CYP27C1: variants seen among roughly 807,000 people sequenced by gnomAD.
CYP27C1 encodes cytochrome P450 family 27 subfamily C member 1, also known as cytochrome P450 27C1.
CYP27C1 carries 29 observed loss-of-function variants against 40.6 expected under a neutral mutation model. The ratio of observed to expected loss-of-function variants is 0.71; its 90% CI spans 0.53 to 0.97. CYP27C1 has a LOEUF of 0.97. Ranked by LOEUF, CYP27C1 falls within the 50% of genes least tolerant of loss-of-function variation. CYP27C1 has a pLI of 0.00. For missense variants in CYP27C1, 390 were observed against 485.8 expected (o/e 0.80, Z 1.85); for synonymous variants, 198 against 186.8 (o/e 1.06, Z -0.49).
At chr2:127,197,852 T>G (rs1682938868) in intron 5 of CYP27C1, among the ~76,000 whole-genome samples, 1 of 151,988 alleles carries the variant, frequency 6.6e-6, no homozygotes, top group African/African-American at 2.4e-5. Flanking sequence ...TGAAAGGAAC[T>G]TGGCTCCTTA....
intron 6 of CYP27C1, among the ~76,000 whole-genome samples, chr2:127,194,598 GC>G (rs1682860070): frequency 6.6e-6 from 1 of 152,156 alleles, no homozygotes; most frequent in Non-Finnish European, 1.5e-5. Flanking sequence ...GAGTAATTGA[GC>G]CTCACTGGGT....
intron 1 of CYP27C1, among the ~76,000 whole-genome samples, chr2:127,217,622 C>T (rs552786595): frequency 6.6e-6 from 1 of 152,286 alleles, no homozygotes; most frequent in Admixed American, 6.5e-5. Flanking sequence ...TCTACCACAC[C>T]CTAAATAGCA....
chr2:127,204,625 G>GAA (rs112099461), intron 2 of CYP27C1, among the ~76,000 whole-genome samples: 1 of 94,216 alleles, frequency 1.1e-5, no homozygotes, highest in Non-Finnish European at 2.3e-5. Flanking sequence ...AAGAAAGAAA[G>GAA]AAGACTGCAG....
intron 1 of CYP27C1, among the ~76,000 whole-genome samples, chr2:127,211,540 G>A (rs1259324199): frequency 2.0e-5 from 3 of 151,260 alleles, no homozygotes; most frequent in South Asian, 2.1e-4. Flanking sequence ...CCGCTACCAC[G>A]CCCAGCTAAT....
intron 7 of CYP27C1, among the ~76,000 whole-genome samples, chr2:127,193,504 G>A (rs540797452): frequency 9.2e-5 from 14 of 152,180 alleles, no homozygotes; most frequent in African/African-American, 2.6e-4. Flanking sequence ...GAAGACCGTC[G>A]AGCCCTTCAG....
intron 1 of CYP27C1, among the ~76,000 whole-genome samples, chr2:127,207,858 T>C (rs1683262438): frequency 6.6e-6 from 1 of 152,158 alleles, no homozygotes; most frequent in African/African-American, 2.4e-5. Context: ...TATCCCATGT[T>C]CATGGACTGG....
At chr2:127,188,980 C>T (rs1354488736) in intron 8 of CYP27C1, among the ~76,000 whole-genome samples, 1 of 152,124 alleles carries the variant, frequency 6.6e-6, no homozygotes, top group Non-Finnish European at 1.5e-5. Flanking sequence ...AACACCTAAC[C>T]TCTGACCCCT....
In CYP27C1 at chr2:127,204,529, GAAAGAA is replaced by G. The variant is rs764276116; in HGVS notation, c.474-964_474-959del. Among the ~76,000 whole-genome samples, 193 of 41,886 alleles carry G rather than the reference GAAAGAA, an allele frequency of 4.6e-3. 4 individuals are homozygous for G. Among genetic ancestry groups the G allele is most frequent in the Admixed American group, 8.7e-3 (28 of 3,206 alleles). 27.5% of individuals were successfully genotyped at this position (41,886 alleles called of 152,430 possible). Reference sequence around the variant, plus strand: ...GGAAAGAAAGAAGGAAAGAAAGAAAGAAAGAAAGAGAGAGAGAGAGAGAGAGAGAAA... The same window carrying G: ...GGAAAGAAAGAAGGAAAGAAAGAAAGAGAGAGAGAGAGAGAGAGAGAGAAA... On this transcript the variant is annotated intron_variant, in intron 2 of 8. Coordinates refer to ENST00000664447, the MANE Select transcript of CYP27C1 (RefSeq NM_001367502.1).
intron 7 of CYP27C1, 46 bp from the exon 8 acceptor site, chr2:127,193,343 C>T (rs991959449): frequency 2.5e-6 from 4 of 1,609,106 alleles, no homozygotes; most frequent in East Asian, 2.2e-5. Flanking sequence ...GGCAGAATCA[C>T]TCAAGAGCAG....
Position 127,218,731 on chromosome 2 carries a change from TG to T in CYP27C1, c.282+1257del. The stretch of plus-strand genomic sequence containing the variant: ...GAAGGGTCTCGAAAGACCGGAACTC[TG>T]GGCAGAAGGACAGGCCTGGGTGGGA... On this transcript the variant is annotated intron_variant, in intron 1 of 8. Coordinates refer to ENST00000664447, the MANE Select transcript of CYP27C1 (RefSeq NM_001367502.1). The surrounding 1 kb of genome is among the most constrained non-coding windows in gnomAD (Gnocchi z 6.0). Among the ~76,000 whole-genome samples, 1 of 152,270 alleles carries T rather than the reference TG, an allele frequency of 6.6e-6. No individual in the cohort carries two copies. The highest frequency in any genetic ancestry group is 2.1e-4 in the South Asian group (1 of 4,822).
intron 1 of CYP27C1, among the ~76,000 whole-genome samples, chr2:127,213,831 A>G (rs1683379130): frequency 6.6e-6 from 1 of 152,290 alleles, no homozygotes; most frequent in Non-Finnish European, 1.5e-5. Flanking sequence ...CAAATTAAAG[A>G]GTTCCTGCAC....
At chr2:127,189,132 T>A (rs1043900637) in intron 8 of CYP27C1, among the ~76,000 whole-genome samples, 2 of 151,234 alleles carry the variant, frequency 1.3e-5, no homozygotes, top group African/African-American at 4.9e-5. Flanking sequence ...GTTGAAAAAA[T>A]TAAAACTATG....
chr2:127,202,962 T>C (rs767556708), intron 3 of CYP27C1, among the ~76,000 whole-genome samples: 1 of 151,390 alleles, frequency 6.6e-6, no homozygotes, highest in African/African-American at 2.4e-5. Context: ...AGGTCAGGAG[T>C]TCGAGACCAG....
Position 127,204,524 on chromosome 2 carries a change from A to AGAAG in CYP27C1, c.474-954_474-953insCTTC, listed in dbSNP as rs1558931214. ...AGGAAGGAAAGAAAGAAGGAAAGAA[A>AGAAG]GAAAGAAAGAAAGAGAGAGAGAGAG... On this transcript the variant is annotated intron_variant, in intron 2 of 8. Coordinates refer to ENST00000664447, the MANE Select transcript of CYP27C1 (RefSeq NM_001367502.1). Among the ~76,000 whole-genome samples the AGAAG allele has an allele frequency of 2.0e-3, 81 of 40,726 alleles. 9 individuals carry two copies. Among genetic ancestry groups the AGAAG allele is most frequent in the East Asian group, 3.5e-3 (2 of 570 alleles). The allele number at this position is 40,726 out of a possible 152,430, so 26.7% of individuals were successfully genotyped here.
intron 8 of CYP27C1, among the ~76,000 whole-genome samples, chr2:127,188,343 GAT>G (rs894189902): frequency 6.6e-6 from 1 of 152,174 alleles, no homozygotes; most frequent in African/African-American, 2.4e-5. Flanking sequence ...GGGCTCAAGT[GAT>G]CCTCCAACCT....
chr2:127,215,619 T>C (rs1573908675), intron 1 of CYP27C1, among the ~76,000 whole-genome samples: 1 of 152,058 alleles, frequency 6.6e-6, no homozygotes, highest in South Asian at 2.1e-4. Flanking sequence ...CATGTAATCC[T>C]AGCACTCTGG....
intron 2 of CYP27C1, among the ~76,000 whole-genome samples, chr2:127,203,831 A>C (rs1195542266): frequency 1.3e-5 from 2 of 152,208 alleles, no homozygotes; most frequent in African/African-American, 4.8e-5. Flanking sequence ...AATAATCTTT[A>C]GTAAAAGTAA....
intron 8 of CYP27C1, among the ~76,000 whole-genome samples, chr2:127,191,591 A>T (rs1047407229): frequency 6.6e-6 from 1 of 152,206 alleles, no homozygotes; most frequent in African/African-American, 2.4e-5. Flanking sequence ...GAAGATGAGA[A>T]CAGCTTCCAC....
chr2:127,207,106 G>A (rs961738207), intron 1 of CYP27C1, among the ~76,000 whole-genome samples: 1 of 152,160 alleles, frequency 6.6e-6, no homozygotes, highest in African/African-American at 2.4e-5. Flanking sequence ...ATGCCTGTCT[G>A]TAATCCCAGC....
Sources: allele counts gnomAD v4.1 joint callset (sites outside exome capture counted in the v4.1 genomes callset), GRCh38; gene constraint gnomAD v4.1.1; non-coding constraint Gnocchi (gnomAD v3.1); transcripts MANE v1.5; gene names NCBI Gene and HGNC (gene_info 2026-07-23, HGNC 2026-07-21).